Variants in CDC7 observed in about 807,000 individuals in gnomAD.
CDC7 encodes cell division cycle 7-related protein kinase.
In CDC7, 34 loss-of-function variants were observed where a neutral mutation model predicts 53.5. The observed-to-expected ratio is 0.64, with a 90% confidence interval of 0.48 to 0.85. The LOEUF (loss-of-function observed/expected upper bound fraction) is 0.85. Among genes scored for constraint, CDC7 ranks in the 40% least tolerant of loss-of-function variants. The probability of loss-of-function intolerance (pLI) is 0.00; values close to 1 mark genes in which losing one functional copy is unlikely to be tolerated. For missense variants in CDC7, 594 were observed against 679.7 expected, an observed-to-expected ratio of 0.87 and a Z score of 1.40; for synonymous variants, 211 against 222.8, an observed-to-expected ratio of 0.95 and a Z score of 0.47.
rs1667290048 is a variant in CDC7, at chr1:91,511,596, G to A, written c.336-1G>A. On this transcript the variant is annotated splice_acceptor_variant, in intron 4 of 11. Transcript: ENST00000234626. LOFTEE classifies it high-confidence loss of function. ...AAGTTCCTTGTGCATTTTTCCACTA[G>A]GGGGCAAGATAATGTCATGGGAGTT... is the stretch of plus-strand genomic sequence containing the variant. The A allele has an allele frequency of 6.3e-7, 1 of 1,577,686 alleles. No individual in the cohort carries two copies. The highest frequency in any genetic ancestry group is 8.7e-7 in the Non-Finnish European group (1 of 1,153,610).
In CDC7 at chr1:91,518,093, C is replaced by CAAAAAAAAAAAAAAA. The variant is rs55787737; in HGVS notation, c.1181-2028_1181-2014dup. ...TGAGCAACAGAGTGAGACTCAGTCT[C>CAAAAAAAAAAAAAAA]AAAAAAAAAAAAAAAAAAAAAAAGG... On this transcript the variant is annotated intron_variant, in intron 10 of 11. Coordinates refer to ENST00000234626, the MANE Select transcript of CDC7 (RefSeq NM_003503.4). Among the ~76,000 whole-genome samples, 55 of 46,024 alleles carry CAAAAAAAAAAAAAAA rather than the reference C, an allele frequency of 1.2e-3. 4 individuals are homozygous for CAAAAAAAAAAAAAAA. The highest frequency in any genetic ancestry group is 4.4e-3 in the African/African-American group (50 of 11,282). The allele number at this position is 46,024 out of a possible 152,430, so 30.2% of individuals were successfully genotyped here. A position where few individuals can be genotyped will look rare whatever the true frequency, so the allele number is the denominator to read the frequency against.
At chr1:91,522,398 C>T (rs531858950) in intron 11 of CDC7, among the ~76,000 whole-genome samples, 1 of 152,230 alleles carries the variant, frequency 6.6e-6, no homozygotes, top group South Asian at 2.1e-4. Context: ...AACCTGGCTC[C>T]ATTGTGGGTT....
In CDC7 at chr1:91,514,806, T is replaced by G. The variant is rs1472639491; in HGVS notation, c.919-13T>G. ...TATCATGAAAATAGAAAAATGAGAC[T>G]TTTCTTTTACAGCTCATGAAGCAGT... On this transcript the variant is annotated splice_polypyrimidine_tract_variant and intron_variant, in intron 8 of 11. Transcript: ENST00000234626. 1 of 1,547,614 alleles carries G rather than the reference T, an allele frequency of 6.5e-7. No individual in the cohort carries two copies. The highest frequency in any genetic ancestry group is 2.3e-5 in the East Asian group (1 of 43,490).
intron 1 of CDC7, 102 bp from the exon 2 acceptor site, chr1:91,501,552 T>C: frequency 4.7e-6 from 3 of 644,102 alleles, no homozygotes; most frequent in Admixed American, 2.7e-5. Flanking sequence ...TTTGGACACA[T>C]CGTGCGTTTG....
At chr1:91,520,337 C>T (rs1389278253) in intron 11 of CDC7, 58 bp downstream of exon 11, 1 of 1,295,208 alleles carries the variant, frequency 7.7e-7, no homozygotes, top group Non-Finnish European at 1.0e-6. Context: ...TCCTACAAAT[C>T]ACTTAATAAA....
intron 2 of CDC7, among the ~76,000 whole-genome samples, chr1:91,507,026 G>A (rs1023026851): frequency 1.3e-5 from 2 of 152,158 alleles, no homozygotes; most frequent in Admixed American, 1.3e-4. Context: ...TAACCTCCCT[G>A]AATTGAGTTT....
chr1:91,513,222 T>C lies in CDC7; in HGVS notation c.737T>C (p.Leu246Pro). Residue 246 changes from leucine (L) to proline (P), a missense_variant, in exon 7 of 12, where the codon CTG (leucine) becomes CCG (proline). By Grantham distance (98) the Leu-to-Pro change is moderately conservative. Coordinates refer to ENST00000234626, the MANE Select transcript of CDC7 (RefSeq NM_003503.4). ...IPLSGPVPKELDQQSTTKASV... is the reference protein window; with the variant it reads ...IPLSGPVPKEPDQQSTTKASV... ...CTGAGTGGCCCAGTACCTAAGGAGC[T>C]GGATCAGCAGTCCACCACAAAAGCT... 6.2e-7 allele frequency: 1 copy of C among 1,613,662 alleles called. No individual in the cohort carries two copies. The highest frequency in any genetic ancestry group is 8.5e-7 in the Non-Finnish European group (1 of 1,179,668).
intron 4 of CDC7, among the ~76,000 whole-genome samples, chr1:91,510,338 T>C (rs1667216116): frequency 6.6e-6 from 1 of 152,220 alleles, no homozygotes; most frequent in South Asian, 2.1e-4. Context: ...CCTTATCGTA[T>C]TCTGTCATTA....
At chr1:91,517,617 G>A (rs13447526) in intron 10 of CDC7, among the ~76,000 whole-genome samples, 50,800 of 152,046 alleles carry the variant, frequency 0.33, 10,931 homozygotes, top group Non-Finnish European at 0.48. Flanking sequence ...GATGCTCAGC[G>A]AAGGAGCTGG....
chr1:91,520,130 C>T lies in CDC7; in HGVS notation c.1181C>T (p.Ala394Val). 6.5e-7 allele frequency: 1 copy of T among 1,549,112 alleles called. No homozygotes were observed. Residue 394 changes from alanine (A) to valine (V), a missense_variant and splice_region_variant, in exon 11 of 12, where the codon GCA (alanine) becomes GTA (valine). Ala to Val is a moderately conservative substitution (Grantham distance 64). Transcript: ENST00000234626. The part of the protein sequence containing the change: ...VLTKCPNQTT[A>V]IDMWSAGVIF... ...TTTTAAAATTTGTCTTCTGTTGCAG[C>T]AATTGACATGTGGTCTGCAGGTGTC...
At chr1:91,508,429 TG>T (rs752341804) in intron 4 of CDC7, 32 bp downstream of exon 4, 1 of 1,540,664 alleles carries the variant, frequency 6.5e-7, no homozygotes, top group South Asian at 1.2e-5. Flanking sequence ...TAATTGAACT[TG>T]TATATAATTT....
rs991446777 is a variant in CDC7, at chr1:91,503,379, G to C, written c.115+1548G>C. Among the ~76,000 whole-genome samples, 87 of 152,132 alleles carry C rather than the reference G, an allele frequency of 5.7e-4. 1 individual carries two copies. Among genetic ancestry groups the C allele is most frequent in the African/African-American group, 1.9e-3 (77 of 41,500 alleles). ...CTTCAATAGGGAGCAAAGCTGATGA[G>C]GTCCAGGCACATAACAGTCTAGTAA... On this transcript the variant is annotated intron_variant, in intron 2 of 11. Coordinates refer to ENST00000234626, the MANE Select transcript of CDC7 (RefSeq NM_003503.4).
rs55787737 is a variant in CDC7 at position 91,518,093 on chromosome 1, CAAAAAAAA to C, written c.1181-2021_1181-2014del. 3.8e-3 allele frequency among the ~76,000 whole-genome samples: 173 copies of C among 46,028 alleles called. 3 individuals are homozygous for C. The highest frequency in any genetic ancestry group is 0.012 in the Admixed American group (29 of 2,414). 30.2% of individuals were successfully genotyped at this position (46,028 alleles called of 152,430 possible). A position where few individuals can be genotyped will look rare whatever the true frequency, so the allele number is the denominator to read the frequency against. ...TGAGCAACAGAGTGAGACTCAGTCT[CAAAAAAAA>C]AAAAAAAAAAAAAAAGGTGATACAG... On this transcript the variant is annotated intron_variant, in intron 10 of 11. Coordinates refer to ENST00000234626, the MANE Select transcript of CDC7 (RefSeq NM_003503.4).
rs748979815 is a variant in CDC7, at chr1:91,508,263, C to A, written c.201C>A (p.Gly67=). ...VFKIEDKIGE[G]TFSSVYLATA... is the part of the protein sequence containing the mutation. ...AAAATTTAATAAATTGTTTTACAGGCACTTTCAGCTCTGTTTATTTGGCCA... is the reference window on the plus strand; with the variant it reads ...AAAATTTAATAAATTGTTTTACAGGAACTTTCAGCTCTGTTTATTTGGCCA... The change falls in exon 4 of 12, where the codon GGC becomes GGA. Residue 67 remains glycine (G), a splice_region_variant and synonymous_variant. Coordinates refer to ENST00000234626, the MANE Select transcript of CDC7 (RefSeq NM_003503.4). 6.3e-7 allele frequency: 1 copy of A among 1,582,900 alleles called. No homozygotes were observed. The highest frequency in any genetic ancestry group is 8.6e-7 in the Non-Finnish European group (1 of 1,169,090).
chr1:91,512,578 A>T (rs1667341829), intron 6 of CDC7, among the ~76,000 whole-genome samples: 1 of 152,146 alleles, frequency 6.6e-6, no homozygotes, highest in Non-Finnish European at 1.5e-5. Context: ...TAAGCTAAAA[A>T]TAACATAAAT....
intron 2 of CDC7, among the ~76,000 whole-genome samples, chr1:91,502,900 C>A (rs1487878011): frequency 6.6e-6 from 1 of 152,106 alleles, no homozygotes; most frequent in Non-Finnish European, 1.5e-5. Context: ...GGATACTGTT[C>A]CTCTTCCTTT....
intron 10 of CDC7, 51 bp from the exon 11 acceptor site, chr1:91,520,079 G>T (rs1571337927): frequency 7.0e-7 from 1 of 1,422,124 alleles, no homozygotes; most frequent in Middle Eastern, 2.6e-4. Flanking sequence ...TGATTTAGAT[G>T]ATAAAATTAT....
At chr1:91,521,531 G>A (rs1037060265) in intron 11 of CDC7, among the ~76,000 whole-genome samples, 2 of 152,192 alleles carry the variant, frequency 1.3e-5, no homozygotes, top group Non-Finnish European at 2.9e-5. Context: ...AAGATAATAG[G>A]ATGAAATAAT....
intron 7 of CDC7, 21 bp downstream of exon 7, chr1:91,513,328 T>G: frequency 6.2e-7 from 1 of 1,600,830 alleles, no homozygotes; most frequent in South Asian, 1.1e-5. Context: ...TTTTATTTCT[T>G]AAGTACCGAC....
Sources: gnomAD v4.1 joint callset for allele counts (sites outside exome capture counted in the v4.1 genomes callset) on GRCh38, gnomAD v4.1.1 for gene constraint, MANE v1.5 for transcripts, NCBI Gene and HGNC (gene_info 2026-07-23, HGNC 2026-07-21) for gene names.